NXN: variants seen among roughly 807,000 people sequenced by gnomAD.
NXN encodes the protein nucleoredoxin 1.
A neutral mutation model predicts 48.6 loss-of-function variants in NXN; 16 were observed. The ratio of observed to expected loss-of-function variants is 0.33; its 90% confidence interval spans 0.22 to 0.50. The LOEUF is 0.50. Among genes scored for constraint, NXN ranks in the 20% least tolerant of loss-of-function variants. The pLI is 0.98. For missense variants in NXN, 492 were observed against 605.5 expected, an observed-to-expected ratio of 0.81 and a Z score of 1.97; for synonymous variants, 281 against 269.6, an observed-to-expected ratio of 1.04 and a Z score of -0.41.
chr17:827,739 G>A (rs1433249441), intron 1 of NXN, among the ~76,000 whole-genome samples: 1 of 152,262 alleles, frequency 6.6e-6, no homozygotes, highest in Non-Finnish European at 1.5e-5. Flanking sequence ...GAGCCTCCCT[G>A]CTGGGGGCTT....
chr17:841,628 A>ATCTC (rs1914300464), intron 1 of NXN, among the ~76,000 whole-genome samples: 1 of 22,348 alleles, frequency 4.5e-5, no homozygotes. Context: ...TCACACGGGC[A>ATCTC]AGCAGGTCCA....
At chr17:812,807 TGTA>T (rs1313401667) in intron 5 of NXN, among the ~76,000 whole-genome samples, 6 of 148,196 alleles carry the variant, frequency 4.0e-5, no homozygotes, top group African/African-American at 1.5e-4. Context: ...TGTGCGTGAG[TGTA>T]GGTGTGTGTG....
chr17:884,517 G>C (rs982164444), intron 1 of NXN, among the ~76,000 whole-genome samples: 1 of 152,226 alleles, frequency 6.6e-6, no homozygotes, highest in African/African-American at 2.4e-5. Context: ...AGTCAGGGAA[G>C]TGTGTCCGGC....
intron 1 of NXN, among the ~76,000 whole-genome samples, chr17:894,997 T>C (rs1316204892): frequency 9.3e-3 from 12 of 1,292 alleles, no homozygotes; most frequent in African/African-American, 0.086. Context: ...CCCTTTCCTT[T>C]TTTTTTTTTT....
chr17:890,141 A>G (rs531664903), intron 1 of NXN, among the ~76,000 whole-genome samples: 2 of 152,280 alleles, frequency 1.3e-5, no homozygotes, highest in African/African-American at 2.4e-5. Context: ...CCTACTCGTT[A>G]TGAAATAAAC....
chr17:849,022 C>A lies in NXN; in HGVS notation c.361-22944G>T, dbSNP rs766878526. On this transcript the variant is annotated intron_variant, in intron 1 of 7. Transcript: ENST00000336868. The surrounding 1 kb of genome is among the most constrained non-coding windows in gnomAD (Gnocchi z 4.2). ...CAGACGGTATGGGGTCAGATCAAGA[C>A]AAAGGTCTTCGCCTTCGAGAAAGGA... 1.4e-4 allele frequency among the ~76,000 whole-genome samples: 21 copies of A among 152,322 alleles called. No individual in the cohort carries two copies. The highest frequency in any genetic ancestry group is 5.1e-4 in the African/African-American group (21 of 41,568).
chr17:808,221 G>A (rs1041632602), intron 5 of NXN, among the ~76,000 whole-genome samples: 1 of 152,088 alleles, frequency 6.6e-6, no homozygotes, highest in African/African-American at 2.4e-5. Context: ...GGAGAAGGCT[G>A]AGACCACAGC....
intron 1 of NXN, among the ~76,000 whole-genome samples, chr17:912,440 G>A (rs1046697116): frequency 3.9e-5 from 6 of 152,012 alleles, no homozygotes; most frequent in African/African-American, 7.3e-5. Context: ...ATCAGATTAC[G>A]CTCCCCCAAC....
chr17:967,290 A>T (rs1294012970), intron 1 of NXN, among the ~76,000 whole-genome samples: 1 of 152,192 alleles, frequency 6.6e-6, no homozygotes, highest in Non-Finnish European at 1.5e-5. Context: ...GGAGGACAGG[A>T]AGCAGGCTCA....
chr17:933,237 G>A (rs1024405157), intron 1 of NXN: 3 of 152,200 alleles, frequency 2.0e-5, no homozygotes, highest in Admixed American at 2.0e-4. Flanking sequence ...ACTGGTGCGA[G>A]GCAGCTGAAG....
At chr17:812,570 TC>T (rs1301565079) in intron 5 of NXN, among the ~76,000 whole-genome samples, 1 of 152,020 alleles carries the variant, frequency 6.6e-6, no homozygotes, top group Non-Finnish European at 1.5e-5. Flanking sequence ...TGTGTGTGAG[TC>T]TGTGTGTGCA....
chr17:803,876 G>A (rs561768689), intron 6 of NXN, 70 bp from the exon 7 acceptor site: 46 of 1,593,430 alleles, frequency 2.9e-5, no homozygotes, highest in Middle Eastern at 2.2e-4. Flanking sequence ...AGCGGCACCC[G>A]CCGAGGGGGC....
chr17:854,653 T>C (rs2067966075), intron 1 of NXN, among the ~76,000 whole-genome samples: 1 of 91,204 alleles, frequency 1.1e-5, no homozygotes, highest in Non-Finnish European at 2.2e-5. Context: ...AGACTCTGTC[T>C]CAAAAAAAAA....
At chr17:822,079 G>A (rs912211588) in intron 4 of NXN, among the ~76,000 whole-genome samples, 1 of 152,162 alleles carries the variant, frequency 6.6e-6, no homozygotes, top group Admixed American at 6.5e-5. Flanking sequence ...AGGAGTTTGA[G>A]ACCAGCCTGG....
At position 917,744 on chromosome 17, in the gene NXN, C is replaced by T. The variant is rs576369140; in HGVS notation, c.360+61575G>A. ...CCAGGTTCCAGCCCTACAAGGGGCG[C>T]GTACTGGCACAACAGGCGGGCGTGG... On this transcript the variant is annotated intron_variant, in intron 1 of 7. Transcript: ENST00000336868. This position sits in a 1 kb window ranked among gnomAD's most constrained non-coding sequence, Gnocchi z 4.5. 1.0e-3 allele frequency among the ~76,000 whole-genome samples: 155 copies of T among 152,278 alleles called. 1 individual carries two copies. In the South Asian group the frequency reaches 0.024, roughly 24 times the overall value.
At chr17:819,984 A>C (rs1912734112) in intron 4 of NXN, among the ~76,000 whole-genome samples, 1 of 152,152 alleles carries the variant, frequency 6.6e-6, no homozygotes, top group African/African-American at 2.4e-5. Context: ...AACCCTAGGA[A>C]AGGCACACCT....
intron 5 of NXN, among the ~76,000 whole-genome samples, chr17:811,875 C>G (rs1912033522): frequency 6.6e-6 from 1 of 151,800 alleles, no homozygotes; most frequent in South Asian, 2.1e-4. Flanking sequence ...TCTCAAAACC[C>G]CAAGATGCTT....
chr17:807,538 C>T (rs575325350), intron 5 of NXN, among the ~76,000 whole-genome samples: 7 of 152,322 alleles, frequency 4.6e-5, no homozygotes, highest in South Asian at 2.1e-4. Flanking sequence ...CTTTTGAGTC[C>T]GTGCCTGCGG....
At chr17:805,460 C>G (rs1055094186) in intron 5 of NXN, among the ~76,000 whole-genome samples, 14 of 152,284 alleles carry the variant, frequency 9.2e-5, no homozygotes, top group African/African-American at 3.4e-4. Flanking sequence ...CCCCTCGGGT[C>G]AGCCTGTAAC....
Sources: gnomAD v4.1 joint callset for allele counts (sites outside exome capture counted in the v4.1 genomes callset) on GRCh38, gnomAD v4.1.1 for gene constraint, Gnocchi (gnomAD v3.1) non-coding constraint, MANE v1.5 for transcripts, NCBI Gene and HGNC (gene_info 2026-07-23, HGNC 2026-07-21) for gene names.